The following ANKRD44 variants were observed in gnomAD, a reference collection of about 807,000 sequenced individuals.
ANKRD44 encodes ankyrin repeat domain 44.
Under a neutral mutation model 116.0 loss-of-function variants are expected in ANKRD44, and 35 were observed. That is an observed-to-expected ratio of 0.30 (90% CI 0.23 to 0.40). The LOEUF is 0.40. ANKRD44 is among the 10% of genes least tolerant of loss of function. The pLI is 1.00. For synonymous variants in ANKRD44, 435 were observed against 461.8 expected (o/e 0.94, Z 0.74); for missense variants, 1,014 against 1,242.6 (o/e 0.82, Z 2.77).
intron 1 of ANKRD44, among the ~76,000 whole-genome samples, chr2:197,202,376 A>G (rs892597839): frequency 2.6e-5 from 4 of 151,956 alleles, no homozygotes; most frequent in Non-Finnish European, 5.9e-5. Context: ...CTCCAAGAAC[A>G]ATAAGGGAAA....
At chr2:197,092,152 A>G (rs2078056777) in intron 10 of ANKRD44, among the ~76,000 whole-genome samples, 1 of 152,250 alleles carries the variant, frequency 6.6e-6, no homozygotes, top group South Asian at 2.1e-4. Flanking sequence ...ACTTGTAAGC[A>G]TCTATAATGT....
At chr2:197,183,237 C>T (rs368012270) in intron 2 of ANKRD44, among the ~76,000 whole-genome samples, 13 of 151,734 alleles carry the variant, frequency 8.6e-5, no homozygotes, top group Admixed American at 2.0e-4. Context: ...CATCAAAAAG[C>T]GTGGAGAGGT....
At chr2:197,134,890 G>A (rs989824532) in intron 4 of ANKRD44, 5 of 152,098 alleles carry the variant, frequency 3.3e-5, no homozygotes, top group Admixed American at 3.3e-4. Context: ...CTCTATGAAG[G>A]GGTTGGTCTC....
chr2:197,106,179 C>T (rs368787895), intron 9 of ANKRD44, among the ~76,000 whole-genome samples: 13 of 152,296 alleles, frequency 8.5e-5, no homozygotes, highest in East Asian at 5.8e-4. Flanking sequence ...CGGTGACTCA[C>T]GCCTGTAATC....
intron 22 of ANKRD44, 59 bp from the exon 23 acceptor site, chr2:197,000,561 T>A: frequency 7.6e-7 from 1 of 1,316,118 alleles, no homozygotes; most frequent in Non-Finnish European, 1.1e-6. Flanking sequence ...TATCACCTCC[T>A]AACCCATCTT....
chr2:197,081,219 G>C (rs572699132), intron 15 of ANKRD44, among the ~76,000 whole-genome samples: 190 of 152,240 alleles, frequency 1.2e-3, no homozygotes, highest in Middle Eastern at 3.4e-3. Context: ...GGGGGTGAGG[G>C]GAAAGCACAA....
intron 3 of ANKRD44, among the ~76,000 whole-genome samples, chr2:197,139,987 C>G (rs1196253308): frequency 4.6e-5 from 7 of 151,770 alleles, no homozygotes; most frequent in African/African-American, 1.7e-4. Flanking sequence ...TCAAGCGATT[C>G]TCCCGCCTCA....
chr2:197,065,021 C>T (rs2077400571), intron 16 of ANKRD44, among the ~76,000 whole-genome samples: 1 of 152,220 alleles, frequency 6.6e-6, no homozygotes, highest in South Asian at 2.1e-4. Flanking sequence ...CACCACATCG[C>T]ACTTATTCCA....
intron 1 of ANKRD44, among the ~76,000 whole-genome samples, chr2:197,226,793 T>C (rs1421126691): frequency 6.6e-6 from 1 of 152,226 alleles, no homozygotes; most frequent in Non-Finnish European, 1.5e-5. Context: ...TGAAGTCACA[T>C]AGGTAATTAG....
In ANKRD44 at chr2:197,242,894, C is replaced by T. The variant is rs114919817; in HGVS notation, c.28-55788G>A. Among the ~76,000 whole-genome samples, 942 of 152,248 alleles carry T rather than the reference C, an allele frequency of 6.2e-3. 13 individuals are homozygous for T. The highest frequency in any genetic ancestry group is 0.021 in the African/African-American group (889 of 41,538). On this transcript the variant is annotated intron_variant, in intron 1 of 27. Transcript: ENST00000282272. ...AGCTCAACTGTCAGACCTGTCAGTC[C>T]GCCAGGCTAACCACAACCAGATGTA...
intron 1 of ANKRD44, among the ~76,000 whole-genome samples, chr2:197,226,793 T>A (rs1421126691): frequency 6.6e-6 from 1 of 152,226 alleles, no homozygotes; most frequent in Admixed American, 6.5e-5. Context: ...TGAAGTCACA[T>A]AGGTAATTAG....
intron 1 of ANKRD44, among the ~76,000 whole-genome samples, chr2:197,254,568 T>C (rs2082397609): frequency 6.6e-6 from 1 of 150,684 alleles, no homozygotes. Flanking sequence ...TTAGTGTGTG[T>C]GTATATGTGT....
intron 23 of ANKRD44, among the ~76,000 whole-genome samples, chr2:196,999,731 C>T (rs1343893693): frequency 2.6e-5 from 4 of 151,952 alleles, no homozygotes; most frequent in Non-Finnish European, 5.9e-5. Context: ...GTAGCTGGGA[C>T]TACAGGCGCC....
intron 2 of ANKRD44, among the ~76,000 whole-genome samples, chr2:197,151,140 A>G (rs1289266086): frequency 1.6e-5 from 2 of 123,566 alleles, no homozygotes; most frequent in African/African-American, 5.8e-5. Flanking sequence ...AAAAAAAAAA[A>G]TGGGTTTTAG....
chr2:197,125,759 C>G, intron 5 of ANKRD44, 78 bp downstream of exon 5: 1 of 1,453,010 alleles, frequency 6.9e-7, no homozygotes, highest in Non-Finnish European at 9.6e-7. Flanking sequence ...TTTAAAATCT[C>G]AGCAAGAAGA....
At chr2:197,233,224 G>A (rs1012564253) in intron 1 of ANKRD44, among the ~76,000 whole-genome samples, 1 of 151,988 alleles carries the variant, frequency 6.6e-6, no homozygotes, top group African/African-American at 2.4e-5. Context: ...CTCCTGTGTT[G>A]AGCAGCAATT....
At chr2:197,185,963 T>C (rs1670789971) in intron 2 of ANKRD44, among the ~76,000 whole-genome samples, 1 of 152,182 alleles carries the variant, frequency 6.6e-6, no homozygotes, top group African/African-American at 2.4e-5. Context: ...AATTCTGCTG[T>C]TGCAGTGCAA....
At chr2:196,977,716 T>C (rs2075770649) in intron 21 of ANKRD44, among the ~76,000 whole-genome samples, 1 of 152,012 alleles carries the variant, frequency 6.6e-6, no homozygotes, top group Non-Finnish European at 1.5e-5. Context: ...GGCAAGGAGG[T>C]AGAGAAATTG....
intron 16 of ANKRD44, among the ~76,000 whole-genome samples, chr2:197,062,095 TTC>T (rs1377245752): frequency 2.6e-5 from 4 of 152,222 alleles, no homozygotes; most frequent in Admixed American, 6.5e-5. Flanking sequence ...CTAATATTAT[TTC>T]TGTGTCAGCC....
Sources: allele counts gnomAD v4.1 joint callset (sites outside exome capture counted in the v4.1 genomes callset), GRCh38; gene constraint gnomAD v4.1.1; transcripts MANE v1.5; gene names NCBI Gene and HGNC (gene_info 2026-07-23, HGNC 2026-07-21).